The following ESRRG variants were observed in gnomAD, a reference collection of about 807,000 sequenced individuals.
ESRRG encodes the protein estrogen related receptor gamma, also known as estrogen-related receptor gamma.
In ESRRG, 13 loss-of-function variants were observed where a neutral mutation model predicts 44.0. The ratio of observed to expected loss-of-function variants is 0.30; its 90% confidence interval spans 0.19 to 0.47. The LOEUF (loss-of-function observed/expected upper bound fraction) is 0.47, where lower values mean the gene tolerates loss of function less well. Ranked by LOEUF, ESRRG falls within the 20% of genes least tolerant of loss-of-function variation. The pLI is 1.00. For missense variants in ESRRG, 395 were observed against 580.6 expected (o/e 0.68, Z 3.29); for synonymous variants, 215 against 214.6 (o/e 1.00, Z -0.02).
At chr1:216,878,149 G>A (rs1480122050) in intron 2 of ESRRG, among the ~76,000 whole-genome samples, 3 of 152,116 alleles carry the variant, frequency 2.0e-5, no homozygotes, top group Non-Finnish European at 4.4e-5. Context: ...CTTAATTCAT[G>A]TTGTTGGAAT....
chr1:216,521,532 T>C (rs2046079679), intron 5 of ESRRG, among the ~76,000 whole-genome samples: 1 of 152,164 alleles, frequency 6.6e-6, no homozygotes, highest in Non-Finnish European at 1.5e-5. Flanking sequence ...TTGTTCCTTT[T>C]CATGCTCCCA....
intron 2 of ESRRG, among the ~76,000 whole-genome samples, chr1:216,822,003 G>T (rs1198578266): frequency 6.6e-6 from 1 of 151,886 alleles, no homozygotes; most frequent in East Asian, 1.9e-4. Context: ...AGCAGAAGGG[G>T]GGTTAGATCT....
intron 3 of ESRRG, among the ~76,000 whole-genome samples, chr1:216,646,893 T>TTTACA (rs1307431109): frequency 6.6e-6 from 1 of 152,172 alleles, no homozygotes; most frequent in African/African-American, 2.4e-5. Context: ...AATGTGAGTC[T>TTTACA]TTTGCTCACC....
intron 5 of ESRRG, among the ~76,000 whole-genome samples, chr1:216,562,777 T>C (rs1446429862): frequency 1.3e-5 from 2 of 152,124 alleles, no homozygotes; most frequent in East Asian, 3.9e-4. Context: ...ATCAATCACC[T>C]AAAAAAGTGT....
intron 2 of ESRRG, among the ~76,000 whole-genome samples, chr1:216,837,457 T>C (rs1445560703): frequency 6.6e-6 from 1 of 152,100 alleles, no homozygotes; most frequent in Non-Finnish European, 1.5e-5. Context: ...ATTTTTAGAA[T>C]ATTAAAACTG....
At chr1:216,684,699 G>A (rs1170716667) in intron 1 of ESRRG, among the ~76,000 whole-genome samples, 1 of 152,132 alleles carries the variant, frequency 6.6e-6, no homozygotes, top group Non-Finnish European at 1.5e-5. Context: ...CTCCTCCACT[G>A]CCAAGTCCAA....
intron 2 of ESRRG, among the ~76,000 whole-genome samples, chr1:216,887,097 A>C (rs571204376): frequency 3.3e-5 from 5 of 152,032 alleles, no homozygotes; most frequent in African/African-American, 9.6e-5. Flanking sequence ...AGAAAGTATC[A>C]TTTTCCTCAC....
intron 2 of ESRRG, among the ~76,000 whole-genome samples, chr1:216,905,894 G>A (rs1004381555): frequency 1.1e-4 from 16 of 152,058 alleles, no homozygotes; most frequent in African/African-American, 3.9e-4. Context: ...GGGACTACAG[G>A]CACATGCCAC....
At chr1:216,953,871 TAAAAC>T (rs1362805548) in intron 1 of ESRRG, among the ~76,000 whole-genome samples, 9 of 151,998 alleles carry the variant, frequency 5.9e-5, no homozygotes, top group African/African-American at 1.5e-4. Context: ...TTATAACTAT[TAAAAC>T]AATCATATGG....
chr1:216,921,689 C>A (rs1321453661), intron 2 of ESRRG, among the ~76,000 whole-genome samples: 2 of 152,176 alleles, frequency 1.3e-5, no homozygotes, highest in African/African-American at 4.8e-5. Flanking sequence ...GCTTTCTCTC[C>A]ATGGCACTTA....
intron 1 of ESRRG, among the ~76,000 whole-genome samples, chr1:216,708,310 A>G (rs12086679): frequency 0.018 from 2,795 of 152,314 alleles, 83 homozygotes; most frequent in African/African-American, 0.064. Flanking sequence ...AGTAATATAT[A>G]TTACCAAGAT....
rs535549922 is a variant in ESRRG at position 217,125,184 on chromosome 1, T to A, written c.-230+12483A>T. On this transcript the variant is annotated intron_variant, in intron 1 of 8. Coordinates refer to the ESRRG transcript ENST00000366940. Reference sequence around the variant, plus strand: ...GGAGGGCAGTGGGACTCCATTTTTATAATATACTCTATATCCATACCAGTA... The same window carrying A: ...GGAGGGCAGTGGGACTCCATTTTTAAAATATACTCTATATCCATACCAGTA... Among the ~76,000 whole-genome samples the A allele has an allele frequency of 7.9e-5, 12 of 152,288 alleles. No homozygotes were observed. In the East Asian group the frequency reaches 1.2e-3, roughly 15 times the overall value.
chr1:216,828,989 A>G (rs530144974), intron 2 of ESRRG, among the ~76,000 whole-genome samples: 5 of 152,316 alleles, frequency 3.3e-5, no homozygotes, highest in South Asian at 4.1e-4. Context: ...AAGGGTCTCA[A>G]GTCCTTATTA....
At chr1:216,815,943 AAG>A (rs1440747320) in intron 2 of ESRRG, among the ~76,000 whole-genome samples, 1 of 152,118 alleles carries the variant, frequency 6.6e-6, no homozygotes, top group African/African-American at 2.4e-5. Context: ...CACACACAGG[AAG>A]TGGCTTCCAG....
chr1:216,580,805 C>G (rs900717979), intron 3 of ESRRG, among the ~76,000 whole-genome samples: 3 of 152,182 alleles, frequency 2.0e-5, no homozygotes, highest in Non-Finnish European at 4.4e-5. Flanking sequence ...TATCTTAAAT[C>G]AGGGAAGACT....
chr1:216,824,482 AT>A (rs199897227), intron 2 of ESRRG, among the ~76,000 whole-genome samples: 6,583 of 145,114 alleles, frequency 0.045, 352 homozygotes, highest in African/African-American at 0.13. Context: ...AGTCATTTTA[AT>A]TTTTTTTTTT....
At position 217,045,599 on chromosome 1, in the gene ESRRG, A is replaced by G. The variant is rs192495353; in HGVS notation, c.-106+43908T>C. 6.8e-3 allele frequency among the ~76,000 whole-genome samples: 1,032 copies of G among 152,322 alleles called. 9 individuals carry two copies. Among genetic ancestry groups the G allele is most frequent in the African/African-American group, 0.024 (993 of 41,578 alleles). ...TTGTGAGGAGGCACGAGGTTGCCCC[A>G]GTTTCCAAGGATGGGATATTGGAAG... On this transcript the variant is annotated intron_variant, in intron 1 of 7. Coordinates refer to the ESRRG transcript ENST00000359162.
intron 2 of ESRRG, among the ~76,000 whole-genome samples, chr1:216,778,796 C>T (rs2093708537): frequency 6.6e-6 from 1 of 151,874 alleles, no homozygotes; most frequent in Non-Finnish European, 1.5e-5. Context: ...AAGTATCTAA[C>T]TTCATTGTTC....
chr1:216,895,851 A>G (rs1577815063), intron 2 of ESRRG, among the ~76,000 whole-genome samples: 4 of 152,150 alleles, frequency 2.6e-5, no homozygotes, highest in Non-Finnish European at 4.4e-5. Flanking sequence ...GCATTCCCCC[A>G]TCATACAGAA....
Sources: allele counts gnomAD v4.1 joint callset (sites outside exome capture counted in the v4.1 genomes callset), GRCh38; gene constraint gnomAD v4.1.1; transcripts MANE v1.5; gene names NCBI Gene and HGNC (gene_info 2026-07-23, HGNC 2026-07-21).